KCNK12: variants seen among roughly 807,000 people sequenced by gnomAD.
KCNK12 encodes potassium two pore domain channel subfamily K member 12, also known as potassium channel subfamily K member 12.
A neutral mutation model predicts 25.3 loss-of-function variants in KCNK12; 6 were observed. The observed-to-expected ratio is 0.24, with a 90% CI of 0.13 to 0.47. KCNK12 has a LOEUF of 0.47. KCNK12 is among the 20% of genes least tolerant of loss of function. The pLI is 0.99. For synonymous variants in KCNK12, 331 were observed against 311.1 expected (o/e 1.06, Z -0.67); for missense variants, 444 against 661.7 (o/e 0.67, Z 3.61).
intron 1 of KCNK12, among the ~76,000 whole-genome samples, chr2:47,553,277 GAAAC>G (rs1669477741): frequency 6.6e-6 from 1 of 152,210 alleles, no homozygotes; most frequent in Non-Finnish European, 1.5e-5. Flanking sequence ...AGCGCGTAAA[GAAAC>G]AAGTCATGTT....
Position 47,548,864 on chromosome 2 carries a change from AG to A in KCNK12, c.391+21076del, listed in dbSNP as rs1460574884. Among the ~76,000 whole-genome samples, 5 of 152,144 alleles carry A rather than the reference AG, an allele frequency of 3.3e-5. No homozygotes were observed. The highest frequency in any genetic ancestry group is 1.2e-4 in the African/African-American group (5 of 41,434). On this transcript the variant is annotated intron_variant, in intron 1 of 1. Transcript: ENST00000327876. This position sits in a 1 kb window ranked among gnomAD's most constrained non-coding sequence, Gnocchi z 4.4. ...AGAGCCCAGAACTCTTGCTGAATTG[AG>A]GGGAGAGAAATTCAGGTTCAGGGAG...
At position 47,566,659 on chromosome 2, in the gene KCNK12, G is replaced by T. The variant is rs1454627939; in HGVS notation, c.391+3282C>A. On this transcript the variant is annotated intron_variant, in intron 1 of 1. Coordinates refer to ENST00000327876, the MANE Select transcript of KCNK12 (RefSeq NM_022055.2). The surrounding 1 kb of genome is among the most constrained non-coding windows in gnomAD (Gnocchi z 4.1). ...TTTTCTCTGGACTTAATCAGTTGATGACGTGACCAATAGACCAGCAGACCA... is the reference window on the plus strand; with the variant it reads ...TTTTCTCTGGACTTAATCAGTTGATTACGTGACCAATAGACCAGCAGACCA... 1 of 152,152 alleles carries T rather than the reference G, an allele frequency of 6.6e-6. No homozygotes were observed. The highest frequency in any genetic ancestry group is 6.5e-5 in the Admixed American group (1 of 15,276). 9.4% of individuals were successfully genotyped at this position (152,152 alleles called of 1,614,324 possible). A position where few individuals can be genotyped will look rare whatever the true frequency, so the allele number is the denominator to read the frequency against.
chr2:47,564,992 G>C (rs187726897), intron 1 of KCNK12: 3 of 151,550 alleles, frequency 2.0e-5, no homozygotes, highest in Non-Finnish European at 4.4e-5. Context: ...ATGTAGCGAG[G>C]CCCTGTCTCT....
In KCNK12 at chr2:47,518,606, T is replaced by C. The variant is rs1302308647; in HGVS notation, c.*2301A>G. 2.0e-5 allele frequency: 3 copies of C among 152,398 alleles called. No homozygotes were observed. Among genetic ancestry groups the C allele is most frequent in the Non-Finnish European group, 4.4e-5 (3 of 68,176 alleles). The allele number at this position is 152,398 out of a possible 1,614,324, so 9.4% of individuals were successfully genotyped here. On this transcript the variant is annotated 3_prime_UTR_variant, in exon 2 of 2. Coordinates refer to ENST00000327876, the MANE Select transcript of KCNK12 (RefSeq NM_022055.2). The surrounding 1 kb of genome is among the most constrained non-coding windows in gnomAD (Gnocchi z 4.1). ...TCCTCCCATGGAGACCACGATTCTG[T>C]GTAGTCCTGCACGCTGGGCGGGGGA...
intron 1 of KCNK12, among the ~76,000 whole-genome samples, chr2:47,530,400 A>G (rs1040609840): frequency 9.9e-5 from 15 of 152,114 alleles, no homozygotes; most frequent in Admixed American, 7.2e-4. Flanking sequence ...CATGTCAGCC[A>G]TCTCCATGTC....
chr2:47,530,343 A>G (rs1668891147), intron 1 of KCNK12, among the ~76,000 whole-genome samples: 1 of 152,140 alleles, frequency 6.6e-6, no homozygotes, highest in South Asian at 2.1e-4. Flanking sequence ...ACTGGGCCAA[A>G]GACTTCCCTG....
rs949627913 is a variant in KCNK12, at chr2:47,518,945, G to T, written c.*1962C>A. 1 of 152,224 alleles carries T rather than the reference G, an allele frequency of 6.6e-6. No homozygotes were observed. Among genetic ancestry groups the T allele is most frequent in the Non-Finnish European group, 1.5e-5 (1 of 68,054 alleles). The allele number at this position is 152,224 out of a possible 1,614,324, so 9.4% of individuals were successfully genotyped here. A position where few individuals can be genotyped will look rare whatever the true frequency, so the allele number is the denominator to read the frequency against. ...CAGAGGGCCCTGCCCTAGAGAACACGTGCGCCCCTGCGTGGGCAATCCCTT... is the reference window on the plus strand; with the variant it reads ...CAGAGGGCCCTGCCCTAGAGAACACTTGCGCCCCTGCGTGGGCAATCCCTT... On this transcript the variant is annotated 3_prime_UTR_variant, in exon 2 of 2. Coordinates refer to ENST00000327876, the MANE Select transcript of KCNK12 (RefSeq NM_022055.2). This position sits in a 1 kb window ranked among gnomAD's most constrained non-coding sequence, Gnocchi z 4.1.
chr2:47,551,222 C>A lies in KCNK12; in HGVS notation c.391+18719G>T, dbSNP rs1175378139. 6.6e-6 allele frequency among the ~76,000 whole-genome samples: 1 copy of A among 152,120 alleles called. No individual in the cohort carries two copies. The highest frequency in any genetic ancestry group is 1.5e-5 in the Non-Finnish European group (1 of 68,024). ...CTTCCTTGCGGCTCCTCCAGCAAAC[C>A]CTGCAAGCTCCTCCTAAGGGACCCT... On this transcript the variant is annotated intron_variant, in intron 1 of 1. Coordinates refer to ENST00000327876, the MANE Select transcript of KCNK12 (RefSeq NM_022055.2). This position sits in a 1 kb window ranked among gnomAD's most constrained non-coding sequence, Gnocchi z 5.3.
chr2:47,562,840 A>C lies in KCNK12; in HGVS notation c.391+7101T>G, dbSNP rs1408826339. On this transcript the variant is annotated intron_variant, in intron 1 of 1. Transcript: ENST00000327876. The surrounding 1 kb of genome is among the most constrained non-coding windows in gnomAD (Gnocchi z 4.8). ...GAGTATGACCGTGTCTCTTAAAAAAACTTTGGTGAGGATCAGAGGCTGGAC... is the reference window on the plus strand; with the variant it reads ...GAGTATGACCGTGTCTCTTAAAAAACCTTTGGTGAGGATCAGAGGCTGGAC... 1 of 233,092 alleles carries C rather than the reference A, an allele frequency of 4.3e-6. No individual in the cohort carries two copies. 14.4% of individuals were successfully genotyped at this position (233,092 alleles called of 1,614,324 possible).
intron 1 of KCNK12, among the ~76,000 whole-genome samples, chr2:47,568,110 C>G (rs1311529874): frequency 6.6e-6 from 1 of 152,120 alleles, no homozygotes; most frequent in Non-Finnish European, 1.5e-5. Flanking sequence ...TCCCCTTTAG[C>G]CTGTGGGTTC....
At chr2:47,534,563 G>T (rs1669017744) in intron 1 of KCNK12, among the ~76,000 whole-genome samples, 1 of 103,434 alleles carries the variant, frequency 9.7e-6, no homozygotes, top group Non-Finnish European at 1.8e-5. Flanking sequence ...CCTCATCTCA[G>T]CCCAGAATTT....
chr2:47,514,785 T>C lies in KCNK12; in HGVS notation c.*6122A>G, dbSNP rs946630670. Among the ~76,000 whole-genome samples, 1 of 152,094 alleles carries C rather than the reference T, an allele frequency of 6.6e-6. No homozygotes were observed. Among genetic ancestry groups the C allele is most frequent in the African/African-American group, 2.4e-5 (1 of 41,426 alleles). On this transcript the variant is annotated 3_prime_UTR_variant, in exon 2 of 2. Transcript: ENST00000327876. The surrounding 1 kb of genome is among the most constrained non-coding windows in gnomAD (Gnocchi z 5.0). ...ACCACCATGACTGGCTAATTTTTTGTATTTTTAGTAAAGACAGGGTTTCGA... is the reference window on the plus strand; with the variant it reads ...ACCACCATGACTGGCTAATTTTTTGCATTTTTAGTAAAGACAGGGTTTCGA...
At chr2:47,534,443 C>T (rs1313343502) in intron 1 of KCNK12, among the ~76,000 whole-genome samples, 2 of 139,480 alleles carry the variant, frequency 1.4e-5, no homozygotes, top group Non-Finnish European at 3.1e-5. Context: ...CCCCCCCCAC[C>T]GCCACCCCAA....
At chr2:47,545,784 C>G (rs1669299681) in intron 1 of KCNK12, among the ~76,000 whole-genome samples, 1 of 152,138 alleles carries the variant, frequency 6.6e-6, no homozygotes, top group Non-Finnish European at 1.5e-5. Context: ...GCATGACCAC[C>G]TCAAAATGCA....
intron 1 of KCNK12, among the ~76,000 whole-genome samples, chr2:47,550,157 G>A (rs979227407): frequency 1.3e-5 from 2 of 152,036 alleles, no homozygotes; most frequent in Non-Finnish European, 2.9e-5. Flanking sequence ...CAAAAAGAGA[G>A]GATAGGGTAG....
In KCNK12 at chr2:47,570,397, G is replaced by T; in HGVS notation, c.-66C>A. 5.0e-6 allele frequency: 6 copies of T among 1,207,344 alleles called. No homozygotes were observed. The highest frequency in any genetic ancestry group is 6.2e-6 in the Non-Finnish European group (6 of 973,150). The allele number at this position is 1,207,344 out of a possible 1,614,324, so 74.8% of individuals were successfully genotyped here. ...CCCGGGCCACGACATCCCCCCGGCG[G>T]GAGCAGGAGCGTGAGGATGGTGGCC... On this transcript the variant is annotated 5_prime_UTR_variant, in exon 1 of 2. Coordinates refer to ENST00000327876, the MANE Select transcript of KCNK12 (RefSeq NM_022055.2).
intron 1 of KCNK12, among the ~76,000 whole-genome samples, chr2:47,544,710 C>G (rs1288725910): frequency 6.6e-6 from 1 of 152,192 alleles, no homozygotes; most frequent in African/African-American, 2.4e-5. Context: ...CAATTACTCA[C>G]ACAGTCTTCA....
rs977586990 is a variant in KCNK12, at chr2:47,569,474, G to C, written c.391+467C>G. On this transcript the variant is annotated intron_variant, in intron 1 of 1. Transcript: ENST00000327876. The surrounding 1 kb of genome is among the most constrained non-coding windows in gnomAD (Gnocchi z 4.1). ...CCCTCTCCAGGGTAAAGGAGTTAGAGGCCACTGAGGGAGAAAACAGGGTAA... is the reference window on the plus strand; with the variant it reads ...CCCTCTCCAGGGTAAAGGAGTTAGACGCCACTGAGGGAGAAAACAGGGTAA... Among the ~76,000 whole-genome samples the C allele has an allele frequency of 6.6e-6, 1 of 151,858 alleles. No homozygotes were observed. Among genetic ancestry groups the C allele is most frequent in the African/African-American group, 2.4e-5 (1 of 41,314 alleles).
Position 47,525,502 on chromosome 2 carries a change from G to A in KCNK12, c.392-3694C>T, listed in dbSNP as rs1668750312. ...CCAGAGCTGTGCTGGAGAGTTCTCT[G>A]GGTGGGAGGCTGACTGGGGCAGCCC... On this transcript the variant is annotated intron_variant, in intron 1 of 1. Coordinates refer to ENST00000327876, the MANE Select transcript of KCNK12 (RefSeq NM_022055.2). This position sits in a 1 kb window ranked among gnomAD's most constrained non-coding sequence, Gnocchi z 4.1. Among the ~76,000 whole-genome samples the A allele has an allele frequency of 6.6e-6, 1 of 152,200 alleles. No individual in the cohort carries two copies. Among genetic ancestry groups the A allele is most frequent in the Admixed American group, 6.5e-5 (1 of 15,288 alleles).
Sources: gnomAD v4.1 joint callset for allele counts (sites outside exome capture counted in the v4.1 genomes callset) on GRCh38, gnomAD v4.1.1 for gene constraint, Gnocchi (gnomAD v3.1) non-coding constraint, MANE v1.5 for transcripts, NCBI Gene and HGNC (gene_info 2026-07-23, HGNC 2026-07-21) for gene names.